Variants in POTEB3 observed in about 807,000 individuals in gnomAD.
POTEB3 encodes the protein ANKRD26-like family B member 1.
In POTEB3, 5 loss-of-function variants were observed where a neutral mutation model predicts 39.8. That is an observed-to-expected ratio of 0.13 (90% CI 0.07 to 0.26). The LOEUF is 0.26. Ranked by LOEUF, POTEB3 falls within the 10% of genes least tolerant of loss-of-function variation. The pLI is 1.00. For missense variants in POTEB3, 24 were observed against 475.6 expected, an observed-to-expected ratio of 0.05 and a Z score of 8.83; for synonymous variants, 5 against 161.5, an observed-to-expected ratio of 0.03 and a Z score of 7.35.
chr15:21,423,254 T>A (rs1898580631), intron 6 of POTEB3, among the ~76,000 whole-genome samples: 1 of 99,042 alleles, frequency 1.0e-5, no homozygotes, highest in Non-Finnish European at 2.1e-5. Flanking sequence ...GCACACACCA[T>A]CATGCCCAGC....
intron 3 of POTEB3, among the ~76,000 whole-genome samples, chr15:21,434,060 CACACAAACAAAAACAA>C (rs1182162632): frequency 1.0e-5 from 1 of 98,656 alleles, no homozygotes; most frequent in East Asian, 2.8e-4. Flanking sequence ...CACACACACA[CACACAAACAAAAACAA>C]AAACAAAAAA....
intron 4 of POTEB3, among the ~76,000 whole-genome samples, 166 bp downstream of exon 4, chr15:21,431,569 GTTCT>G (rs1292248885): frequency 4.2e-5 from 4 of 96,116 alleles, no homozygotes; most frequent in Non-Finnish European, 6.5e-5. Flanking sequence ...TACTAAAACA[GTTCT>G]TTATGTTGCC....
Position 21,439,867 on chromosome 15 carries a change from G to A in POTEB3, c.145C>T (p.His49Tyr), listed in dbSNP as rs1450558295. ...AGCGTCTTCATAAAGGAGTCGTCGT[G>A]GTCTCCAGAAGTGCCCATGTTGCTC... is the stretch of plus-strand genomic sequence containing the variant. ...GKSNMGTSGDHDDSFMKTLRS... is the reference protein window; with the variant it reads ...GKSNMGTSGDYDDSFMKTLRS... Residue 49 changes from histidine to tyrosine, a missense_variant, in exon 1 of 11, where the codon CAC (histidine) becomes TAC (tyrosine). Coordinates refer to ENST00000611217, the MANE Select transcript of POTEB3 (RefSeq NM_207355.5). 3 of 1,529,922 alleles carry A rather than the reference G, an allele frequency of 2.0e-6. No homozygotes were observed. The highest frequency in any genetic ancestry group is 2.3e-5 in the South Asian group (2 of 86,220). 94.8% of individuals were successfully genotyped at this position (1,529,922 alleles called of 1,614,324 possible).
chr15:21,422,903 T>C (rs1357859996), intron 6 of POTEB3, among the ~76,000 whole-genome samples: 11 of 147,570 alleles, frequency 7.5e-5, no homozygotes, highest in Admixed American at 6.7e-5. Flanking sequence ...AGCTTTTTGA[T>C]GCAAATCCGC....
chr15:21,428,403 CTA>C (rs1224620956), intron 5 of POTEB3, among the ~76,000 whole-genome samples: 3 of 145,126 alleles, frequency 2.1e-5, no homozygotes, highest in African/African-American at 7.7e-5. Context: ...TAGTTTGTAA[CTA>C]AATTTTTTCA....
intron 5 of POTEB3, chr15:21,429,132 A>G (rs1898851463): frequency 6.7e-6 from 1 of 149,928 alleles, no homozygotes; most frequent in East Asian, 2.0e-4. Flanking sequence ...AAAATATTTT[A>G]AAATCTTGAG....
intron 6 of POTEB3, among the ~76,000 whole-genome samples, chr15:21,423,131 T>C (rs1898575444): frequency 7.0e-6 from 1 of 143,132 alleles, no homozygotes; most frequent in Non-Finnish European, 1.6e-5. Context: ...AGCTGGGGTC[T>C]TGCTCTGTCA....
At chr15:21,422,687 C>T (rs1397494210) in intron 6 of POTEB3, among the ~76,000 whole-genome samples, 1 of 148,948 alleles carries the variant, frequency 6.7e-6, no homozygotes, top group Non-Finnish European at 1.5e-5. Context: ...AAACAAATTC[C>T]TTTACCATCT....
Position 21,407,427 on chromosome 15 carries a change from C to G in POTEB3, c.*1556G>C, listed in dbSNP as rs1366510688. Among the ~76,000 whole-genome samples the G allele has an allele frequency of 1.2e-5, 1 of 83,800 alleles. No homozygotes were observed. The highest frequency in any genetic ancestry group is 2.1e-5 in the Non-Finnish European group (1 of 47,172). The allele number at this position is 83,800 out of a possible 152,430, so 55.0% of individuals were successfully genotyped here. On this transcript the variant is annotated 3_prime_UTR_variant, in exon 11 of 11. Transcript: ENST00000611217. ...CAAAACCCACCTGTGTAAACACACA[C>G]AGCTAAGTGATGTAGGAAGTTTCCA...
chr15:21,434,101 G>T (rs1358535868), intron 3 of POTEB3, among the ~76,000 whole-genome samples: 3,648 of 135,790 alleles, frequency 0.027, 33 homozygotes, highest in South Asian at 0.043. Context: ...CCTCTTCATG[G>T]TCTTTTCCCC....
At chr15:21,434,234 A>C (rs1899100710) in intron 3 of POTEB3, among the ~76,000 whole-genome samples, 1 of 132,854 alleles carries the variant, frequency 7.5e-6, no homozygotes, top group Non-Finnish European at 1.6e-5. Context: ...ATCACCTCAT[A>C]TCTATTAGTG....
rs1477133786 is a variant in POTEB3, at chr15:21,410,835, A to G, written c.1533+43T>C. 137 of 1,010,236 alleles carry G rather than the reference A, an allele frequency of 1.4e-4. 23 individuals are homozygous for G. The African/African-American group carries it at 6.0e-3, about 44-fold the overall frequency. The allele number at this position is 1,010,236 out of a possible 1,614,324, so 62.6% of individuals were successfully genotyped here. A position where few individuals can be genotyped will look rare whatever the true frequency, so the allele number is the denominator to read the frequency against. ...TTCCAAAATAAAGCTTTTTAAAAAT[A>G]TACACACATATGAAAACATTTGATA... On this transcript the variant is annotated intron_variant, in intron 10 of 10. Coordinates refer to ENST00000611217, the MANE Select transcript of POTEB3 (RefSeq NM_207355.5).
At chr15:21,417,212 A>T (rs1357064241) in intron 9 of POTEB3, among the ~76,000 whole-genome samples, 1 of 76,018 alleles carries the variant, frequency 1.3e-5, no homozygotes, top group Non-Finnish European at 2.3e-5. Flanking sequence ...ACAGAAAAAA[A>T]TTAGTGATAA....
chr15:21,424,510 CT>C (rs1898600609), intron 6 of POTEB3, among the ~76,000 whole-genome samples: 1 of 135,912 alleles, frequency 7.4e-6, no homozygotes, highest in African/African-American at 2.8e-5. Flanking sequence ...CAAAAATGCC[CT>C]GCTAAAGGGA....
chr15:21,426,549 CAT>C (rs1467216763), intron 6 of POTEB3, among the ~76,000 whole-genome samples: 1 of 142,964 alleles, frequency 7.0e-6, no homozygotes, highest in Non-Finnish European at 1.5e-5. Flanking sequence ...CAAGTGAAAA[CAT>C]AGAAATGTTT....
chr15:21,428,634 A>ATT (rs374676056), intron 5 of POTEB3, among the ~76,000 whole-genome samples: 1 of 141,598 alleles, frequency 7.1e-6, no homozygotes, highest in East Asian at 2.2e-4. Context: ...CTCTACTTTT[A>ATT]TTTTTTTTCA....
chr15:21,433,528 G>C (rs1180739953), intron 3 of POTEB3, among the ~76,000 whole-genome samples: 1 of 150,630 alleles, frequency 6.6e-6, no homozygotes, highest in African/African-American at 2.5e-5. Context: ...CTGGAAGCTA[G>C]TGCAATAGAC....
At chr15:21,423,064 A>C (rs1467872607) in intron 6 of POTEB3, among the ~76,000 whole-genome samples, 9 of 147,620 alleles carry the variant, frequency 6.1e-5, no homozygotes, top group Non-Finnish European at 1.2e-4. Context: ...AACATCTAAA[A>C]TGTTTCCATC....
intron 9 of POTEB3, among the ~76,000 whole-genome samples, chr15:21,413,737 C>T (rs1283183584): frequency 7.3e-5 from 2 of 27,516 alleles, no homozygotes; most frequent in Non-Finnish European, 1.1e-4. Context: ...GGAAAGAGCC[C>T]ATTATAGAAT....
Sources: allele counts gnomAD v4.1 joint callset (sites outside exome capture counted in the v4.1 genomes callset), GRCh38; gene constraint gnomAD v4.1.1; transcripts MANE v1.5; gene names NCBI Gene and HGNC (gene_info 2026-07-23, HGNC 2026-07-21).